SNX29: variants seen among roughly 807,000 people sequenced by gnomAD.
SNX29 encodes the protein sorting nexin 29.
Under a neutral mutation model 102.1 loss-of-function variants are expected in SNX29, and 78 were observed. The observed-to-expected ratio is 0.76, with a 90% confidence interval of 0.64 to 0.92. SNX29 has a LOEUF of 0.92. SNX29 is among the 40% of genes least tolerant of loss of function. The pLI, the probability that SNX29 is intolerant of heterozygous loss-of-function variation, is 0.00. For missense variants in SNX29, 1,280 were observed against 1,061.7 expected, an observed-to-expected ratio of 1.21 and a Z score of -2.86; for synonymous variants, 580 against 414.5, an observed-to-expected ratio of 1.40 and a Z score of -4.85.
chr16:12,135,526 G>C (rs117734326), intron 13 of SNX29: 35 of 1,319,980 alleles, frequency 2.7e-5, no homozygotes, highest in Non-Finnish European at 3.4e-5. Context: ...GTGCCAGCCA[G>C]TTCTCTTTGC....
intron 1 of SNX29, among the ~76,000 whole-genome samples, chr16:11,982,786 A>G (rs986827605): frequency 1.3e-5 from 2 of 152,154 alleles, no homozygotes; most frequent in Non-Finnish European, 2.9e-5. Context: ...AGCCAGGCCC[A>G]TAGTGATCAA....
intron 16 of SNX29, among the ~76,000 whole-genome samples, chr16:12,395,433 C>T (rs1024648462): frequency 8.5e-5 from 13 of 152,350 alleles, no homozygotes; most frequent in African/African-American, 2.9e-4. Flanking sequence ...CATTTCACAT[C>T]CTTGTGTGTA....
intron 16 of SNX29, among the ~76,000 whole-genome samples, chr16:12,365,326 T>TTGTGTGTGTGTGTGTGTG (rs58869867): frequency 1.9e-4 from 26 of 139,854 alleles, no homozygotes; most frequent in South Asian, 2.4e-4. Flanking sequence ...ACATCAGGAT[T>TTGTGTGTGTGTGTGTGTG]TGTGTGTGTG....
intron 18 of SNX29, among the ~76,000 whole-genome samples, chr16:12,432,293 A>G (rs1225400291): frequency 6.6e-6 from 1 of 152,146 alleles, no homozygotes; most frequent in Non-Finnish European, 1.5e-5. Context: ...GTATTCTAAG[A>G]CTTGACCCTG....
intron 15 of SNX29, among the ~76,000 whole-genome samples, chr16:12,307,967 C>T (rs1300026553): frequency 4.6e-5 from 7 of 152,306 alleles, no homozygotes; most frequent in South Asian, 4.1e-4. Flanking sequence ...GGACAAACAA[C>T]GTTTGGTGTA....
chr16:12,543,910 C>T (rs1415222072), intron 20 of SNX29, among the ~76,000 whole-genome samples: 1 of 152,210 alleles, frequency 6.6e-6, no homozygotes, highest in Admixed American at 6.5e-5. Flanking sequence ...TCCTGGATTG[C>T]CGAAGGTGGA....
chr16:12,134,488 G>T (rs2054588268), intron 13 of SNX29, among the ~76,000 whole-genome samples: 1 of 152,192 alleles, frequency 6.6e-6, no homozygotes, highest in Non-Finnish European at 1.5e-5. Context: ...GCTGTTGGCA[G>T]GAGGCTTCAG....
At chr16:12,495,919 G>A (rs908658656) in intron 19 of SNX29, among the ~76,000 whole-genome samples, 3 of 152,202 alleles carry the variant, frequency 2.0e-5, no homozygotes, top group Admixed American at 6.5e-5. Context: ...CAGATACGGT[G>A]TCAGGTGCCT....
Position 12,423,779 on chromosome 16 carries a change from C to A in SNX29, c.2037+20250C>A, listed in dbSNP as rs553401231. Reference sequence around the variant, plus strand: ...TAGAGATGGGGTTTCGCTATGTTGGCCAGGCTGGTCTTGAATTCCTGACCT... The same window carrying A: ...TAGAGATGGGGTTTCGCTATGTTGGACAGGCTGGTCTTGAATTCCTGACCT... On this transcript the variant is annotated intron_variant, in intron 18 of 20. Coordinates refer to ENST00000566228, the MANE Select transcript of SNX29 (RefSeq NM_032167.5). Among the ~76,000 whole-genome samples, 12 of 152,280 alleles carry A rather than the reference C, an allele frequency of 7.9e-5. No homozygotes were observed. In the South Asian group the frequency reaches 1.7e-3, roughly 21 times the overall value.
Position 12,572,399 on chromosome 16 carries a change from G to C in SNX29, c.*3770G>C. On this transcript the variant is annotated 3_prime_UTR_variant, in exon 21 of 21. Transcript: ENST00000566228. ...GGCGGCTTATATCCCAACAGCCTGA[G>C]GCAGGGCTCTGTGGCCCAGGCCGGC... The C allele has an allele frequency of 3.8e-6, 4 of 1,063,390 alleles. No individual in the cohort carries two copies. Among genetic ancestry groups the C allele is most frequent in the Non-Finnish European group, 4.6e-6 (4 of 878,106 alleles). The allele number at this position is 1,063,390 out of a possible 1,614,324, so 65.9% of individuals were successfully genotyped here. A position where few individuals can be genotyped will look rare whatever the true frequency, so the allele number is the denominator to read the frequency against.
intron 15 of SNX29, among the ~76,000 whole-genome samples, chr16:12,328,628 A>G (rs1047636846): frequency 6.6e-6 from 1 of 152,174 alleles, no homozygotes; most frequent in Non-Finnish European, 1.5e-5. Context: ...CCACTGTCTT[A>G]CCACATTCAA....
chr16:12,330,211 C>T (rs555579402), intron 15 of SNX29, among the ~76,000 whole-genome samples: 106 of 152,188 alleles, frequency 7.0e-4, no homozygotes, highest in Non-Finnish European at 1.3e-3. Context: ...AATGGTGGTC[C>T]CCTTGTGGCC....
intron 11 of SNX29, among the ~76,000 whole-genome samples, chr16:12,103,384 C>A (rs372181031): frequency 1.2e-4 from 19 of 152,214 alleles, no homozygotes; most frequent in African/African-American, 4.6e-4. Context: ...AGAACAGAGG[C>A]CTCAGAAATA....
At chr16:12,241,888 C>A (rs753766869) in intron 14 of SNX29, among the ~76,000 whole-genome samples, 22 of 152,156 alleles carry the variant, frequency 1.4e-4, no homozygotes, top group Non-Finnish European at 1.9e-4. Context: ...CCAGAACTTT[C>A]TAGTTCATGT....
intron 15 of SNX29, among the ~76,000 whole-genome samples, chr16:12,342,493 T>C (rs2081638600): frequency 6.6e-6 from 1 of 152,174 alleles, no homozygotes; most frequent in African/African-American, 2.4e-5. Context: ...ATGTTGTTGT[T>C]TTAAACTATA....
chr16:12,491,513 T>TTG (rs2088544897), intron 19 of SNX29, among the ~76,000 whole-genome samples: 1 of 127,764 alleles, frequency 7.8e-6, no homozygotes, highest in South Asian at 2.7e-4. Flanking sequence ...TGCTGTTGTT[T>TTG]TTTTTTATGT....
chr16:12,531,238 A>G (rs572571827), intron 20 of SNX29, among the ~76,000 whole-genome samples: 18 of 152,348 alleles, frequency 1.2e-4, no homozygotes, highest in Non-Finnish European at 2.2e-4. Flanking sequence ...TGCCTGGAGA[A>G]CAGGGCACTT....
intron 20 of SNX29, among the ~76,000 whole-genome samples, chr16:12,565,537 G>A (rs1045506762): frequency 6.6e-6 from 1 of 152,066 alleles, no homozygotes; most frequent in Non-Finnish European, 1.5e-5. Context: ...TGGCCTCGAG[G>A]ATTGAACCAT....
chr16:12,308,997 G>C (rs1317276714), intron 15 of SNX29, among the ~76,000 whole-genome samples: 1 of 152,192 alleles, frequency 6.6e-6, no homozygotes, highest in African/African-American at 2.4e-5. Context: ...GGCAGAGACT[G>C]TTACAAAGGA....
Sources: gnomAD v4.1 joint callset for allele counts (sites outside exome capture counted in the v4.1 genomes callset) on GRCh38, gnomAD v4.1.1 for gene constraint, MANE v1.5 for transcripts, NCBI Gene and HGNC (gene_info 2026-07-23, HGNC 2026-07-21) for gene names.